PTPRG: variants seen among roughly 807,000 people sequenced by gnomAD.
PTPRG encodes the protein receptor-type tyrosine-protein phosphatase gamma.
In PTPRG, 102 loss-of-function variants were observed where a neutral mutation model predicts 165.3. That is an observed-to-expected ratio of 0.62 (90% confidence interval 0.53 to 0.73). PTPRG has a LOEUF of 0.73. Among genes scored for constraint, PTPRG ranks in the 30% least tolerant of loss-of-function variants. The probability of loss-of-function intolerance (pLI) is 0.00; values close to 1 mark genes in which losing one functional copy is unlikely to be tolerated. For missense variants in PTPRG, 1,866 were observed against 1,861.4 expected, an observed-to-expected ratio of 1.00 and a Z score of -0.05; for synonymous variants, 675 against 669.5, an observed-to-expected ratio of 1.01 and a Z score of -0.13.
At chr3:62,211,306 CAAAG>C (rs1700352129) in intron 12 of PTPRG, among the ~76,000 whole-genome samples, 2 of 152,038 alleles carry the variant, frequency 1.3e-5, no homozygotes, top group Admixed American at 1.3e-4. Flanking sequence ...TAGTCAAACT[CAAAG>C]AAACAAAGTA....
chr3:61,849,112 T>TC (rs1282685483), intron 2 of PTPRG, among the ~76,000 whole-genome samples: 1 of 152,210 alleles, frequency 6.6e-6, no homozygotes, highest in African/African-American at 2.4e-5. Context: ...TGGGAAACAC[T>TC]CCAAGTATTC....
Position 62,054,973 on chromosome 3 carries a change from A to G in PTPRG, c.520-23190A>G, listed in dbSNP as rs200957759. On this transcript the variant is annotated intron_variant, in intron 4 of 29. Transcript: ENST00000474889. ...GTCAGGGGAGCGATTGCTCATTGGA[A>G]TCAGGAAATAATTCATGTAGCAGGT... Among the ~76,000 whole-genome samples, 19 of 152,328 alleles carry G rather than the reference A, an allele frequency of 1.2e-4. No homozygotes were observed. In the East Asian group the frequency reaches 3.7e-3, roughly 29 times the overall value.
At position 61,652,459 on chromosome 3, in the gene PTPRG, A is replaced by G. The variant is rs17065157; in HGVS notation, c.85+90087A>G. 2.0e-5 allele frequency among the ~76,000 whole-genome samples: 3 copies of G among 151,996 alleles called. No homozygotes were observed. The East Asian group carries it at 5.8e-4, about 29-fold the overall frequency. On this transcript the variant is annotated intron_variant, in intron 1 of 29. Coordinates refer to ENST00000474889, the MANE Select transcript of PTPRG (RefSeq NM_002841.4). ...TAGAATTTCCTCTACGGTGCAATCT[A>G]TTTTCCCTGATGGCCAGGACACTTG...
chr3:62,150,931 A>G (rs1445380300), intron 6 of PTPRG, among the ~76,000 whole-genome samples: 1 of 152,310 alleles, frequency 6.6e-6, no homozygotes. Flanking sequence ...TCTCTTCTAT[A>G]CATTGACTGT....
At chr3:62,008,618 C>T (rs1310697699) in intron 4 of PTPRG, among the ~76,000 whole-genome samples, 4 of 152,188 alleles carry the variant, frequency 2.6e-5, no homozygotes, top group African/African-American at 9.7e-5. Flanking sequence ...GTTATTATAG[C>T]CCAGCGGTCC....
intron 4 of PTPRG, among the ~76,000 whole-genome samples, chr3:62,071,090 T>C (rs1030498205): frequency 1.3e-5 from 2 of 152,196 alleles, no homozygotes; most frequent in Non-Finnish European, 2.9e-5. Flanking sequence ...TTCTTTTCTG[T>C]AGCTTTTGCC....
chr3:62,133,531 A>T (rs1373509263), intron 6 of PTPRG, among the ~76,000 whole-genome samples: 1 of 152,210 alleles, frequency 6.6e-6, no homozygotes, highest in Non-Finnish European at 1.5e-5. Flanking sequence ...TCTTTCCGTG[A>T]AACTAAAACC....
intron 13 of PTPRG, among the ~76,000 whole-genome samples, chr3:62,226,717 T>G (rs1240987368): frequency 6.6e-6 from 1 of 152,208 alleles, no homozygotes; most frequent in African/African-American, 2.4e-5. Context: ...GACCCAGGTT[T>G]GTTAAAATTT....
chr3:61,833,829 C>T lies in PTPRG; in HGVS notation c.190+84847C>T, dbSNP rs547751931. Among the ~76,000 whole-genome samples the T allele has an allele frequency of 1.7e-4, 26 of 152,150 alleles. No homozygotes were observed. The East Asian group carries it at 4.3e-3, about 25-fold the overall frequency. ...GTGTGCCCGCCTCGGCCTCCCAAAGCGCTAGGATTACAGGCGTGAGCCACC... is the reference window on the plus strand; with the variant it reads ...GTGTGCCCGCCTCGGCCTCCCAAAGTGCTAGGATTACAGGCGTGAGCCACC... On this transcript the variant is annotated intron_variant, in intron 2 of 29. Transcript: ENST00000474889.
intron 2 of PTPRG, among the ~76,000 whole-genome samples, chr3:61,868,501 ACT>A (rs1559658179): frequency 6.6e-6 from 1 of 151,568 alleles, no homozygotes; most frequent in African/African-American, 2.4e-5. Context: ...GGCATTCAAC[ACT>A]CTGCCTTCTT....
intron 3 of PTPRG, among the ~76,000 whole-genome samples, chr3:61,995,145 A>G (rs534675817): frequency 3.7e-5 from 5 of 134,730 alleles, no homozygotes; most frequent in East Asian, 4.4e-4. Flanking sequence ...CTGGAATGCA[A>G]TGTCACCATC....
chr3:61,730,451 G>C (rs2032448190), intron 1 of PTPRG, among the ~76,000 whole-genome samples: 1 of 152,124 alleles, frequency 6.6e-6, no homozygotes, highest in Non-Finnish European at 1.5e-5. Context: ...CATTTTTCTT[G>C]TCTTCCATTA....
intron 2 of PTPRG, among the ~76,000 whole-genome samples, chr3:61,842,581 T>G (rs1338521328): frequency 6.6e-6 from 1 of 151,876 alleles, no homozygotes; most frequent in South Asian, 2.1e-4. Context: ...TAAATTATGC[T>G]GTAACAGAGA....
intron 5 of PTPRG, among the ~76,000 whole-genome samples, chr3:62,098,629 C>T (rs980038951): frequency 3.9e-5 from 6 of 152,208 alleles, no homozygotes; most frequent in Non-Finnish European, 5.9e-5. Context: ...ATGGCTGGAA[C>T]TGGCACCCAG....
intron 2 of PTPRG, among the ~76,000 whole-genome samples, chr3:61,944,692 A>T (rs2039713036): frequency 6.6e-6 from 1 of 152,206 alleles, no homozygotes; most frequent in South Asian, 2.1e-4. Context: ...CTTGAAAAAA[A>T]AATTTTCTTT....
intron 1 of PTPRG, among the ~76,000 whole-genome samples, chr3:61,685,255 G>A (rs898917662): frequency 2.6e-5 from 4 of 152,232 alleles, no homozygotes; most frequent in Non-Finnish European, 4.4e-5. Flanking sequence ...GCAAACAGGC[G>A]CACTGATGGA....
chr3:61,829,901 G>A (rs1417485648), intron 2 of PTPRG, among the ~76,000 whole-genome samples: 1 of 152,186 alleles, frequency 6.6e-6, no homozygotes, highest in Non-Finnish European at 1.5e-5. Flanking sequence ...TTGTGATCTG[G>A]TTGGGACTGT....
In PTPRG at chr3:62,233,532, T is replaced by G. The variant is rs116444493; in HGVS notation, c.2375+2221T>G. On this transcript the variant is annotated intron_variant, in intron 14 of 29. Transcript: ENST00000474889. The surrounding 1 kb of genome is among the most constrained non-coding windows in gnomAD (Gnocchi z 4.7). ...CTCTCTCTCACCTTTGCCTTTTTCA[T>G]TCCGCTCTCATTTTCTTTCCTGGCT... 0.012 allele frequency among the ~76,000 whole-genome samples: 1,789 copies of G among 152,324 alleles called. 42 individuals carry two copies. The highest frequency in any genetic ancestry group is 0.041 in the African/African-American group (1,712 of 41,570).
At chr3:62,025,491 A>C (rs1223519167) in intron 4 of PTPRG, among the ~76,000 whole-genome samples, 2 of 152,062 alleles carry the variant, frequency 1.3e-5, no homozygotes, top group African/African-American at 4.8e-5. Flanking sequence ...ACAGTAACCA[A>C]ATTTTCATCT....
Sources: gnomAD v4.1 joint callset for allele counts (sites outside exome capture counted in the v4.1 genomes callset) on GRCh38, gnomAD v4.1.1 for gene constraint, Gnocchi (gnomAD v3.1) non-coding constraint, MANE v1.5 for transcripts, NCBI Gene and HGNC (gene_info 2026-07-23, HGNC 2026-07-21) for gene names.